The following TMTC2 variants were observed in gnomAD, a reference collection of about 807,000 sequenced individuals.
TMTC2 encodes protein O-mannosyl-transferase TMTC2.
TMTC2 carries 43 observed loss-of-function variants against 82.4 expected under a neutral mutation model. The observed-to-expected ratio is 0.52, with a 90% CI of 0.41 to 0.67. The LOEUF (loss-of-function observed/expected upper bound fraction) is 0.67. Among genes scored for constraint, TMTC2 ranks in the 30% least tolerant of loss-of-function variants. The pLI is 0.00. For missense variants in TMTC2, 919 were observed against 1,012.4 expected, an observed-to-expected ratio of 0.91 and a Z score of 1.25; for synonymous variants, 408 against 381.9, an observed-to-expected ratio of 1.07 and a Z score of -0.80.
intron 3 of TMTC2, among the ~76,000 whole-genome samples, chr12:82,898,137 C>A (rs561926244): frequency 2.0e-5 from 3 of 152,270 alleles, no homozygotes; most frequent in Admixed American, 1.3e-4. Context: ...GAAGTTGAAG[C>A]ATTAAAGTTG....
At chr12:82,712,432 A>G (rs1334568545) in intron 1 of TMTC2, among the ~76,000 whole-genome samples, 1 of 146,560 alleles carries the variant, frequency 6.8e-6, no homozygotes, top group Non-Finnish European at 1.5e-5. Flanking sequence ...TCCGTCTCAA[A>G]AAAAAAAAAA....
chr12:82,927,393 T>C (rs2137238117), intron 3 of TMTC2, among the ~76,000 whole-genome samples: 1 of 152,318 alleles, frequency 6.6e-6, no homozygotes, highest in Non-Finnish European at 1.5e-5. Context: ...CATGATAACG[T>C]ATTTACAGAT....
chr12:82,919,205 G>T (rs1170665142), intron 3 of TMTC2, among the ~76,000 whole-genome samples: 1 of 152,186 alleles, frequency 6.6e-6, no homozygotes, highest in Non-Finnish European at 1.5e-5. Context: ...GAGAGAAAAA[G>T]CATGAGGGGC....
At chr12:82,789,558 A>G (rs1415875763) in intron 1 of TMTC2, among the ~76,000 whole-genome samples, 1 of 152,144 alleles carries the variant, frequency 6.6e-6, no homozygotes, top group African/African-American at 2.4e-5. Flanking sequence ...TTTAAATTAT[A>G]TAGAAATATA....
intron 1 of TMTC2, among the ~76,000 whole-genome samples, chr12:82,831,489 A>G (rs1228092138): frequency 6.6e-6 from 1 of 152,202 alleles, no homozygotes; most frequent in African/African-American, 2.4e-5. Flanking sequence ...CTGGCAGATC[A>G]TAAGTAGTAA....
At chr12:83,039,324 A>G (rs902928832) in intron 9 of TMTC2, among the ~76,000 whole-genome samples, 8 of 152,186 alleles carry the variant, frequency 5.3e-5, no homozygotes, top group Non-Finnish European at 1.0e-4. Flanking sequence ...AGAACTCAAC[A>G]TGTAAACTTT....
At chr12:82,921,027 G>C (rs1181089079) in intron 3 of TMTC2, among the ~76,000 whole-genome samples, 1 of 151,802 alleles carries the variant, frequency 6.6e-6, no homozygotes, top group Non-Finnish European at 1.5e-5. Flanking sequence ...TTTTTCTCTG[G>C]TCTGAAAAAT....
At chr12:82,828,036 G>A (rs1477029058) in intron 1 of TMTC2, among the ~76,000 whole-genome samples, 2 of 150,670 alleles carry the variant, frequency 1.3e-5, no homozygotes, top group African/African-American at 4.9e-5. Flanking sequence ...GGAATTACAG[G>A]CATGCGCCAC....
At chr12:83,090,609 C>T (rs1200741500) in intron 11 of TMTC2, among the ~76,000 whole-genome samples, 1 of 152,154 alleles carries the variant, frequency 6.6e-6, no homozygotes, top group African/African-American at 2.4e-5. Flanking sequence ...TTGCTAGGCA[C>T]TCTACCTCTC....
chr12:82,927,803 GATT>G (rs1875810831), intron 3 of TMTC2, among the ~76,000 whole-genome samples: 2 of 152,172 alleles, frequency 1.3e-5, no homozygotes, highest in Non-Finnish European at 2.9e-5. Context: ...GGGCTCAGAT[GATT>G]GTTAGCATTT....
At chr12:83,020,172 T>C (rs1166094970) in intron 8 of TMTC2, among the ~76,000 whole-genome samples, 1 of 152,226 alleles carries the variant, frequency 6.6e-6, no homozygotes, top group African/African-American at 2.4e-5. Flanking sequence ...GTGTTTGTCA[T>C]ACTCTTAGCA....
chr12:82,792,034 CCCA>C (rs1343874991), intron 1 of TMTC2, among the ~76,000 whole-genome samples: 1 of 152,070 alleles, frequency 6.6e-6, no homozygotes, highest in Non-Finnish European at 1.5e-5. Flanking sequence ...TTTTTTCTTA[CCCA>C]CCTGCTTGGG....
chr12:82,957,913 G>C (rs1307386652), intron 4 of TMTC2, among the ~76,000 whole-genome samples: 1 of 151,988 alleles, frequency 6.6e-6, no homozygotes, highest in East Asian at 1.9e-4. Context: ...AATAGATCTG[G>C]ACCAGATAGA....
intron 11 of TMTC2, among the ~76,000 whole-genome samples, chr12:83,118,653 G>A (rs1033761738): frequency 2.0e-5 from 3 of 151,980 alleles, no homozygotes; most frequent in Non-Finnish European, 2.9e-5. Context: ...ATATCCTTTC[G>A]TGGTTTTGGT....
intron 1 of TMTC2, among the ~76,000 whole-genome samples, chr12:82,706,148 A>C (rs1443692687): frequency 6.6e-6 from 1 of 152,000 alleles, no homozygotes; most frequent in African/African-American, 2.4e-5. Context: ...CTTTCTACTA[A>C]AAGTACGAAA....
At chr12:82,937,732 G>GTGTGTGTGTGGA (rs1876400853) in intron 4 of TMTC2, among the ~76,000 whole-genome samples, 3 of 27,112 alleles carry the variant, frequency 1.1e-4, no homozygotes, top group Middle Eastern at 0.019. Flanking sequence ...GTGTGTGGAT[G>GTGTGTGTGTGGA]TGTGTGTGTG....
chr12:82,832,982 T>A (rs573134079), intron 1 of TMTC2, among the ~76,000 whole-genome samples: 1 of 152,326 alleles, frequency 6.6e-6, no homozygotes, highest in Admixed American at 6.5e-5. Context: ...GATTTAGTAC[T>A]ACCCCAGTTC....
intron 8 of TMTC2, among the ~76,000 whole-genome samples, chr12:83,029,635 A>G (rs894693112): frequency 2.0e-5 from 3 of 152,160 alleles, no homozygotes; most frequent in African/African-American, 7.2e-5. Flanking sequence ...CCAGTGCCTT[A>G]CTACCCTTCA....
At chr12:83,094,266 T>C (rs887993636) in intron 11 of TMTC2, among the ~76,000 whole-genome samples, 2 of 152,234 alleles carry the variant, frequency 1.3e-5, no homozygotes, top group Non-Finnish European at 2.9e-5. Context: ...GAGAATTGCC[T>C]TGGCTGAGCC....
Sources: gnomAD v4.1 joint callset for allele counts (sites outside exome capture counted in the v4.1 genomes callset) on GRCh38, gnomAD v4.1.1 for gene constraint, MANE v1.5 for transcripts, NCBI Gene and HGNC (gene_info 2026-07-23, HGNC 2026-07-21) for gene names.